VPS13D: variants seen among roughly 807,000 people sequenced by gnomAD.
VPS13D encodes the protein vacuolar protein sorting 13 homolog D, also known as intermembrane lipid transfer protein VPS13D.
A neutral mutation model predicts 461.9 loss-of-function variants in VPS13D; 187 were observed. The ratio of observed to expected loss-of-function variants is 0.40; its 90% CI spans 0.36 to 0.46. The LOEUF (loss-of-function observed/expected upper bound fraction) is 0.46. VPS13D is among the 20% of genes least tolerant of loss of function. The pLI is 0.60. For synonymous variants in VPS13D, 1,951 were observed against 1,986.3 expected (o/e 0.98, Z 0.47); for missense variants, 4,711 against 5,364.9 (o/e 0.88, Z 3.81).
chr1:12,290,296 T>A (rs1642088796), intron 22 of VPS13D, among the ~76,000 whole-genome samples: 2 of 152,196 alleles, frequency 1.3e-5, no homozygotes, highest in Non-Finnish European at 2.9e-5. Context: ...ACCTAACATG[T>A]TTCTGACACG....
chr1:12,333,410 C>G (rs754511862), intron 38 of VPS13D, 44 bp downstream of exon 38: 3 of 1,605,250 alleles, frequency 1.9e-6, no homozygotes, highest in Non-Finnish European at 2.6e-6. Flanking sequence ...CTTTCCGTAC[C>G]TAAGTTCTGA....
intron 63 of VPS13D, among the ~76,000 whole-genome samples, chr1:12,409,022 G>T (rs1644690082): frequency 6.6e-6 from 1 of 152,014 alleles, no homozygotes; most frequent in South Asian, 2.1e-4. Flanking sequence ...TAAAAGTTAT[G>T]TCTTTGATGA....
intron 2 of VPS13D, 135 bp from the exon 3 acceptor site, chr1:12,242,378 C>T: frequency 2.7e-6 from 2 of 733,070 alleles, no homozygotes; most frequent in South Asian, 1.9e-5. Flanking sequence ...AGATGTAAAA[C>T]TTTCCTTTAA....
chr1:12,333,115 G>A, intron 37 of VPS13D, 111 bp from the exon 38 acceptor site: 1 of 1,294,828 alleles, frequency 7.7e-7, no homozygotes, highest in Non-Finnish European at 1.1e-6. Flanking sequence ...TGAATTGGAA[G>A]TAGAAAGCTA....
Position 12,460,335 on chromosome 1 carries a change from C to G in VPS13D, c.12601C>G (p.Leu4201Val). 1 of 1,613,070 alleles carries G rather than the reference C, an allele frequency of 6.2e-7. No homozygotes were observed. Among genetic ancestry groups the G allele is most frequent in the Non-Finnish European group, 8.5e-7 (1 of 1,179,474 alleles). ...TGTAACCAAGCCAGTGGCAGGCGCC[C>G]TGGATTTTGCATCAGAAACAGCCCA... is the stretch of plus-strand genomic sequence containing the variant. ...GTVTKPVAGA[L>V]DFASETAQAV... The change falls in exon 67 of 70, where the codon CTG becomes GTG. Residue 4201 changes from leucine to valine, a missense_variant. Physicochemically the swap from Leu to Val is conservative, Grantham distance 32. Transcript: ENST00000620676.
In VPS13D at chr1:12,276,019, A is replaced by G. The variant is rs1557679737; in HGVS notation, c.2431A>G (p.Thr811Ala). The change falls in exon 19 of 70, where the codon ACA becomes GCA. Residue 811 changes from threonine to alanine, a missense_variant. Thr to Ala is a moderately conservative substitution (Grantham distance 58). Coordinates refer to ENST00000620676, the MANE Select transcript of VPS13D (RefSeq NM_015378.4). The surrounding 1 kb of genome is among the most constrained non-coding windows in gnomAD (Gnocchi z 4.5). ...ACAGCTTCAAGCACATTTAATGAGC[A>G]CAAAGATGTATGAGAGGTACTCGCT... ...EEQLQAHLMS[T>A]KMYERYSLSF... The G allele has an allele frequency of 4.3e-6, 7 of 1,614,024 alleles. No homozygotes were observed. Among genetic ancestry groups the G allele is most frequent in the Non-Finnish European group, 5.1e-6 (6 of 1,180,042 alleles).
chr1:12,509,639 T>C lies in VPS13D; in HGVS notation c.*615T>C, dbSNP rs1042167934. ...GAGCTGTGGCACCCAGGACTGGCGC[T>C]GGCCCTTCAGAAGGATCTAGGAGAG... is the stretch of plus-strand genomic sequence containing the variant. On this transcript the variant is annotated 3_prime_UTR_variant, in exon 70 of 70. Coordinates refer to ENST00000620676, the MANE Select transcript of VPS13D (RefSeq NM_015378.4). 1 of 152,314 alleles carries C rather than the reference T, an allele frequency of 6.6e-6. No homozygotes were observed. 9.4% of individuals were successfully genotyped at this position (152,314 alleles called of 1,614,324 possible).
At chr1:12,435,453 CCT>C (rs1645047632) in intron 65 of VPS13D, among the ~76,000 whole-genome samples, 1 of 152,024 alleles carries the variant, frequency 6.6e-6, no homozygotes, top group Non-Finnish European at 1.5e-5. Context: ...AGAGCAGGAC[CCT>C]GTCTGAACAA....
At chr1:12,242,319 G>A (rs1287491046) in intron 2 of VPS13D, among the ~76,000 whole-genome samples, 194 bp from the exon 3 acceptor site, 6 of 152,086 alleles carry the variant, frequency 3.9e-5, no homozygotes, top group African/African-American at 1.2e-4. Flanking sequence ...ACATGATATA[G>A]CCTGTTCTAG....
intron 63 of VPS13D, 37 bp from the exon 64 acceptor site, chr1:12,415,050 T>C (rs1644776912): frequency 1.9e-6 from 3 of 1,609,398 alleles, no homozygotes; most frequent in African/African-American, 1.3e-5. Flanking sequence ...GGCCATCATA[T>C]GACTTAAGTA....
intron 51 of VPS13D, 35 bp downstream of exon 51, chr1:12,362,885 A>G (rs748260090): frequency 1.9e-6 from 3 of 1,613,266 alleles, no homozygotes; most frequent in Admixed American, 1.7e-5. Flanking sequence ...GAGAGTGCCT[A>G]TTTAATAGCA....
rs1472310384 is a variant in VPS13D, at chr1:12,460,397, G to A, written c.12662+1G>A. ...ACACAGCCACACTCAGCGGCCCCAG[G>A]TCAGTGGTGTGGGAAGAATGGCTTT... On this transcript the variant is annotated splice_donor_variant, in intron 67 of 69. Coordinates refer to ENST00000620676, the MANE Select transcript of VPS13D (RefSeq NM_015378.4). LOFTEE classifies it high-confidence loss of function. The A allele has an allele frequency of 6.3e-7, 1 of 1,580,214 alleles. No individual in the cohort carries two copies. The highest frequency in any genetic ancestry group is 8.6e-7 in the Non-Finnish European group (1 of 1,162,232).
intron 67 of VPS13D, among the ~76,000 whole-genome samples, chr1:12,483,398 A>C (rs1645750717): frequency 6.6e-6 from 1 of 151,668 alleles, no homozygotes; most frequent in Admixed American, 6.6e-5. Context: ...GGCCATTTGG[A>C]TTTTTCTTCT....
chr1:12,290,679 C>T (rs1004527093), intron 22 of VPS13D, among the ~76,000 whole-genome samples: 8 of 150,482 alleles, frequency 5.3e-5, no homozygotes, highest in Admixed American at 1.3e-4. Flanking sequence ...CCCCAGATCG[C>T]GCCACTGTAC....
At chr1:12,333,503 T>G in intron 38 of VPS13D, 137 bp downstream of exon 38, 1 of 1,053,132 alleles carries the variant, frequency 9.5e-7, no homozygotes, top group Admixed American at 2.6e-5. Flanking sequence ...GCTTTCCTGA[T>G]CAACCCTAAT....
At chr1:12,255,545 T>C (rs545566389) in intron 7 of VPS13D, among the ~76,000 whole-genome samples, 1 of 152,176 alleles carries the variant, frequency 6.6e-6, no homozygotes, top group African/African-American at 2.4e-5. Flanking sequence ...GAAAGAGATA[T>C]TTGACCTTTT....
At chr1:12,414,790 A>G (rs1644773551) in intron 63 of VPS13D, among the ~76,000 whole-genome samples, 1 of 152,354 alleles carries the variant, frequency 6.6e-6, no homozygotes, top group East Asian at 1.9e-4. Context: ...ACATCAGTCA[A>G]AAAGTAAAAC....
At chr1:12,416,227 T>C (rs913373125) in intron 64 of VPS13D, among the ~76,000 whole-genome samples, 5 of 152,148 alleles carry the variant, frequency 3.3e-5, no homozygotes, top group Non-Finnish European at 7.3e-5. Flanking sequence ...CCATGCCTTC[T>C]TCAGGCCCCC....
At chr1:12,308,103 T>C (rs528879876) in intron 26 of VPS13D, among the ~76,000 whole-genome samples, 1 of 152,316 alleles carries the variant, frequency 6.6e-6, no homozygotes, top group South Asian at 2.1e-4. Context: ...GGATTGCCTA[T>C]GGAGTCAGAT....
Sources: allele counts gnomAD v4.1 joint callset (sites outside exome capture counted in the v4.1 genomes callset), GRCh38; gene constraint gnomAD v4.1.1; non-coding constraint Gnocchi (gnomAD v3.1); transcripts MANE v1.5; gene names NCBI Gene and HGNC (gene_info 2026-07-23, HGNC 2026-07-21).